GRIP1: variants seen among roughly 807,000 people sequenced by gnomAD.
GRIP1 encodes the protein glutamate receptor-interacting protein 1.
GRIP1 carries 45 observed loss-of-function variants against 129.9 expected under a neutral mutation model. The ratio of observed to expected loss-of-function variants is 0.35; its 90% CI spans 0.27 to 0.44. The LOEUF is 0.44. Among genes scored for constraint, GRIP1 ranks in the 20% least tolerant of loss-of-function variants. The pLI, the probability that GRIP1 is intolerant of heterozygous loss-of-function variation, is 1.00. For synonymous variants in GRIP1, 530 were observed against 520.8 expected (o/e 1.02, Z -0.24); for missense variants, 1,196 against 1,396.8 (o/e 0.86, Z 2.29).
intron 1 of GRIP1, among the ~76,000 whole-genome samples, chr12:66,925,437 G>A (rs1003372007): frequency 7.2e-5 from 11 of 152,034 alleles, no homozygotes; most frequent in African/African-American, 2.7e-4. Context: ...ACAACATGGA[G>A]GGAATGAACA....
intron 1 of GRIP1, among the ~76,000 whole-genome samples, chr12:66,629,628 C>T (rs11176338): frequency 0.23 from 34,410 of 152,056 alleles, 3,976 homozygotes; most frequent in Middle Eastern, 0.25. Context: ...GGGAAAAGAA[C>T]GTGGTTAATT....
At chr12:66,655,514 C>T (rs1176224149) in intron 1 of GRIP1, among the ~76,000 whole-genome samples, 4 of 151,958 alleles carry the variant, frequency 2.6e-5, no homozygotes, top group Non-Finnish European at 5.9e-5. Flanking sequence ...CAGTAGGGTT[C>T]ACTCTTAACT....
At chr12:66,511,728 G>T (rs1347684412) in intron 7 of GRIP1, among the ~76,000 whole-genome samples, 1 of 152,158 alleles carries the variant, frequency 6.6e-6, no homozygotes, top group Admixed American at 6.6e-5. Flanking sequence ...GGACCATCTT[G>T]CCATGACATA....
At chr12:66,607,221 A>G (rs2064577840) in intron 1 of GRIP1, among the ~76,000 whole-genome samples, 1 of 152,204 alleles carries the variant, frequency 6.6e-6, no homozygotes, top group South Asian at 2.1e-4. Flanking sequence ...CTTCTTCATC[A>G]TGAATTCTTG....
chr12:66,925,678 CTT>C (rs1235802987), intron 1 of GRIP1, among the ~76,000 whole-genome samples: 2 of 152,220 alleles, frequency 1.3e-5, no homozygotes, highest in Admixed American at 6.5e-5. Flanking sequence ...GAGTTTCACT[CTT>C]GTTTCCCAGG....
At chr12:66,805,836 A>G (rs2038979217), upstream of GRIP1, among the ~76,000 whole-genome samples, 1 of 152,170 alleles carries the variant, frequency 6.6e-6, no homozygotes, top group Admixed American at 6.5e-5. Flanking sequence ...TATTCCCAGA[A>G]GTTTCCCATT....
At chr12:66,996,637 T>A (rs1401822787) in intron 1 of GRIP1, among the ~76,000 whole-genome samples, 1 of 152,110 alleles carries the variant, frequency 6.6e-6, no homozygotes, top group Admixed American at 6.6e-5. Flanking sequence ...AAATGGCATG[T>A]AGAGAAAATG....
chr12:66,607,118 T>C (rs1398361113), intron 1 of GRIP1, among the ~76,000 whole-genome samples: 1 of 152,156 alleles, frequency 6.6e-6, no homozygotes, highest in African/African-American at 2.4e-5. Flanking sequence ...TGACTAAATG[T>C]CACTGATATA....
intron 1 of GRIP1, among the ~76,000 whole-genome samples, chr12:67,045,587 C>A (rs1261490513): frequency 2.0e-5 from 3 of 152,160 alleles, no homozygotes; most frequent in African/African-American, 7.2e-5. Context: ...AAATGATACA[C>A]TGGGAGTAAA....
chr12:67,036,137 T>C (rs186441503), intron 1 of GRIP1, among the ~76,000 whole-genome samples: 6 of 152,194 alleles, frequency 3.9e-5, no homozygotes, highest in Admixed American at 3.9e-4. Context: ...GAGGCTTGGG[T>C]TGGGTAGGTG....
In GRIP1 at chr12:66,828,487, T is replaced by C. The variant is rs556162975; in HGVS notation, c.59-231560A>G. The stretch of plus-strand genomic sequence containing the variant: ...CACATTCCCTATCACTTTTACATTT[T>C]CAAAACACATTTATAACTGTTATCT... On this transcript the variant is annotated intron_variant, in intron 1 of 1. Coordinates refer to the GRIP1 transcript ENST00000643019. 2.3e-3 allele frequency among the ~76,000 whole-genome samples: 347 copies of C among 152,296 alleles called. 3 individuals are homozygous for C. The highest frequency in any genetic ancestry group is 7.7e-3 in the African/African-American group (322 of 41,560).
intron 1 of GRIP1, among the ~76,000 whole-genome samples, chr12:66,633,524 A>T (rs1202351784): frequency 6.6e-6 from 1 of 152,044 alleles, no homozygotes; most frequent in African/African-American, 2.4e-5. Flanking sequence ...CCAGAAAGAG[A>T]ATGTGGAGAG....
intron 1 of GRIP1, among the ~76,000 whole-genome samples, chr12:66,950,615 T>C (rs977157914): frequency 1.4e-4 from 21 of 151,848 alleles, no homozygotes; most frequent in African/African-American, 4.9e-4. Context: ...TAGAAACCAG[T>C]AGAATATACT....
intron 1 of GRIP1, among the ~76,000 whole-genome samples, chr12:66,826,079 C>T (rs190167423): frequency 7.4e-4 from 113 of 152,206 alleles, no homozygotes; most frequent in African/African-American, 2.6e-3. Context: ...CAATGATAGT[C>T]TGGATAAAGA....
chr12:66,863,032 C>G (rs866300126), intron 1 of GRIP1, among the ~76,000 whole-genome samples: 3 of 151,828 alleles, frequency 2.0e-5, no homozygotes, highest in Middle Eastern at 3.4e-3. Context: ...TGATTAGGTT[C>G]AGAAAAAGGA....
In GRIP1 at chr12:66,479,252, A is replaced by C. The variant is rs1453174324; in HGVS notation, c.725-13830T>G. On this transcript the variant is annotated intron_variant, in intron 7 of 24. Coordinates refer to ENST00000359742, the MANE Select transcript of GRIP1 (RefSeq NM_001366722.1). ...TAAAGGGGATATCACCACTGATCCC[A>C]CAGAAATACAAAATACCATCAGAGA... 4.0e-5 allele frequency among the ~76,000 whole-genome samples: 6 copies of C among 148,264 alleles called. 1 individual carries two copies. Among genetic ancestry groups the C allele is most frequent in the African/African-American group, 1.6e-4 (6 of 37,890 alleles).
At chr12:66,867,745 C>A (rs554690194) in intron 1 of GRIP1, among the ~76,000 whole-genome samples, 1 of 152,076 alleles carries the variant, frequency 6.6e-6, no homozygotes, top group Admixed American at 6.6e-5. Context: ...AATAAATGCA[C>A]CAGAAAACTA....
intron 1 of GRIP1, among the ~76,000 whole-genome samples, chr12:66,820,138 C>CGG (rs1220129824): frequency 1.2e-4 from 18 of 152,118 alleles, no homozygotes; most frequent in Admixed American, 1.2e-3. Context: ...GGGCTGGGCA[C>CGG]GGTGGCTCAC....
chr12:66,684,972 T>C (rs2034726678), intron 1 of GRIP1, among the ~76,000 whole-genome samples: 1 of 152,144 alleles, frequency 6.6e-6, no homozygotes, highest in African/African-American at 2.4e-5. Flanking sequence ...TGTATCAAGC[T>C]CCATTTCCTT....
Sources: gnomAD v4.1 joint callset for allele counts (sites outside exome capture counted in the v4.1 genomes callset) on GRCh38, gnomAD v4.1.1 for gene constraint, MANE v1.5 for transcripts, NCBI Gene and HGNC (gene_info 2026-07-23, HGNC 2026-07-21) for gene names.